Variants in MAGI2 observed in about 807,000 individuals in gnomAD.
The protein encoded by MAGI2 is membrane associated guanylate kinase, WW and PDZ domain containing 2, also known as membrane-associated guanylate kinase, WW and PDZ domain-containing protein 2.
In MAGI2, 35 loss-of-function variants were observed where a neutral mutation model predicts 133.3. The observed-to-expected ratio is 0.26, with a 90% CI of 0.20 to 0.35. The LOEUF (loss-of-function observed/expected upper bound fraction) is 0.35, where lower values mean the gene tolerates loss of function less well. Among genes scored for constraint, MAGI2 ranks in the 10% least tolerant of loss-of-function variants. The pLI, the probability that MAGI2 is intolerant of heterozygous loss-of-function variation, is 1.00. For missense variants in MAGI2, 1,636 were observed against 1,863.4 expected (o/e 0.88, Z 2.25); for synonymous variants, 729 against 710.6 (o/e 1.03, Z -0.41).
rs1444047286 is a variant in MAGI2 at position 78,939,417 on chromosome 7, C to T, written c.418+67673G>A. On this transcript the variant is annotated intron_variant, in intron 2 of 21. Transcript: ENST00000354212. ...AGACGGGGCTGAATGGACATTCTAA[C>T]ATAAGGATTAGCATGGAAATTGGGT... Among the ~76,000 whole-genome samples, 7 of 152,082 alleles carry T rather than the reference C, an allele frequency of 4.6e-5. 1 individual carries two copies. The highest frequency in any genetic ancestry group is 4.6e-4 in the Admixed American group (7 of 15,258).
chr7:78,299,389 C>T (rs1797628498), intron 9 of MAGI2, among the ~76,000 whole-genome samples: 1 of 152,062 alleles, frequency 6.6e-6, no homozygotes, highest in Admixed American at 6.6e-5. Context: ...ACCACACAAT[C>T]ATTAAAACTT....
chr7:78,135,332 A>G, intron 16 of MAGI2, 126 bp from the exon 17 acceptor site: 1 of 783,010 alleles, frequency 1.3e-6, no homozygotes, highest in South Asian at 1.8e-5. Context: ...GCCTTTTGAA[A>G]TCACACTAAT....
At chr7:78,835,628 A>G (rs1052630559) in intron 2 of MAGI2, among the ~76,000 whole-genome samples, 18 of 152,098 alleles carry the variant, frequency 1.2e-4, no homozygotes, top group African/African-American at 4.1e-4. Context: ...AGGGTTTGCC[A>G]TATCATTCCT....
chr7:78,580,670 C>T (rs1255753930), intron 3 of MAGI2, among the ~76,000 whole-genome samples: 1 of 152,192 alleles, frequency 6.6e-6, no homozygotes, highest in Non-Finnish European at 1.5e-5. Context: ...AAATGACTCT[C>T]AAAGTACTCT....
At chr7:78,453,621 C>A (rs561060057) in intron 6 of MAGI2, among the ~76,000 whole-genome samples, 2 of 152,276 alleles carry the variant, frequency 1.3e-5, no homozygotes, top group South Asian at 4.1e-4. Flanking sequence ...CATACCTCCC[C>A]CGCTGACCTC....
chr7:78,298,329 TTAAGTAAAAAC>T (rs1395497136), intron 9 of MAGI2, among the ~76,000 whole-genome samples: 1 of 152,116 alleles, frequency 6.6e-6, no homozygotes, highest in Non-Finnish European at 1.5e-5. Flanking sequence ...AAAAAGAACA[TTAAGTAAAAAC>T]TAAGGAAATC....
intron 21 of MAGI2, among the ~76,000 whole-genome samples, chr7:78,027,642 AAGAAAG>A (rs1809079189): frequency 9.3e-6 from 1 of 107,938 alleles, no homozygotes; most frequent in African/African-American, 4.4e-5. Context: ...AAAAAAAAAA[AAGAAAG>A]AAAAAGAAAA....
intron 6 of MAGI2, among the ~76,000 whole-genome samples, chr7:78,468,470 T>C (rs1790867029): frequency 6.6e-6 from 1 of 152,144 alleles, no homozygotes. Context: ...ATATTATATA[T>C]GTATATAAAG....
chr7:78,947,184 C>T (rs1226613559), intron 2 of MAGI2, among the ~76,000 whole-genome samples: 2 of 151,928 alleles, frequency 1.3e-5, no homozygotes, highest in African/African-American at 2.4e-5. Flanking sequence ...CCAAAACAAA[C>T]AAACTTAATA....
At chr7:78,826,286 G>A (rs750546571) in intron 2 of MAGI2, among the ~76,000 whole-genome samples, 5 of 150,832 alleles carry the variant, frequency 3.3e-5, no homozygotes, top group South Asian at 2.1e-4. Flanking sequence ...CCCGGGAGGC[G>A]GAGCTTGCAG....
chr7:79,371,689 C>T (rs1843063419), intron 1 of MAGI2, among the ~76,000 whole-genome samples: 2 of 152,186 alleles, frequency 1.3e-5, no homozygotes, highest in Non-Finnish European at 2.9e-5. Context: ...CGTACAATGG[C>T]AAAATTGCTT....
At chr7:78,037,072 A>AC (rs1441387951) in intron 21 of MAGI2, among the ~76,000 whole-genome samples, 4 of 151,960 alleles carry the variant, frequency 2.6e-5, no homozygotes, top group African/African-American at 9.7e-5. Flanking sequence ...CACCTGGATA[A>AC]CCCCCCTGTG....
At chr7:78,705,943 C>G (rs1353244644) in intron 2 of MAGI2, among the ~76,000 whole-genome samples, 2 of 152,012 alleles carry the variant, frequency 1.3e-5, no homozygotes, top group Admixed American at 6.6e-5. Context: ...CAAGACTGTC[C>G]ATCAATTTTC....
intron 1 of MAGI2, among the ~76,000 whole-genome samples, chr7:79,033,227 A>T (rs931677249): frequency 2.0e-5 from 3 of 152,202 alleles, no homozygotes; most frequent in Admixed American, 6.5e-5. Flanking sequence ...AAGGTGATGG[A>T]CCATAGGCAA....
At chr7:78,586,141 T>C (rs1278331548) in intron 3 of MAGI2, among the ~76,000 whole-genome samples, 1 of 152,352 alleles carries the variant, frequency 6.6e-6, no homozygotes, top group Non-Finnish European at 1.5e-5. Flanking sequence ...TAGCGTGCTC[T>C]ACAGCTGAGA....
intron 2 of MAGI2, among the ~76,000 whole-genome samples, chr7:78,717,535 T>G (rs1417732023): frequency 6.6e-6 from 1 of 152,148 alleles, no homozygotes; most frequent in Non-Finnish European, 1.5e-5. Context: ...TAGCTGTGAA[T>G]GAACTTAGGC....
At chr7:78,793,246 G>A (rs749486918) in intron 2 of MAGI2, among the ~76,000 whole-genome samples, 1 of 152,160 alleles carries the variant, frequency 6.6e-6, no homozygotes, top group Non-Finnish European at 1.5e-5. Context: ...GCACTGTGAA[G>A]GAAAACAAAA....
At chr7:79,067,035 G>C (rs1358795354) in intron 1 of MAGI2, among the ~76,000 whole-genome samples, 2 of 152,166 alleles carry the variant, frequency 1.3e-5, no homozygotes, top group African/African-American at 4.8e-5. Context: ...TTTGAAACAG[G>C]TGGCATGATG....
intron 6 of MAGI2, among the ~76,000 whole-genome samples, chr7:78,410,940 G>A (rs1797817412): frequency 6.6e-6 from 1 of 151,800 alleles, no homozygotes; most frequent in South Asian, 2.1e-4. Context: ...TAGCATATTG[G>A]GATAATTAAA....
Sources: allele counts gnomAD v4.1 joint callset (sites outside exome capture counted in the v4.1 genomes callset), GRCh38; gene constraint gnomAD v4.1.1; transcripts MANE v1.5; gene names NCBI Gene and HGNC (gene_info 2026-07-23, HGNC 2026-07-21).